WDFY1: variants seen among roughly 807,000 people sequenced by gnomAD.
WDFY1 encodes the protein WD repeat and FYVE domain containing 1.
Under a neutral mutation model 56.4 loss-of-function variants are expected in WDFY1, and 32 were observed. That is an observed-to-expected ratio of 0.57 (90% CI 0.43 to 0.76). WDFY1 has a LOEUF of 0.76. Ranked by LOEUF, WDFY1 falls within the 30% of genes least tolerant of loss-of-function variation. The pLI, the probability that WDFY1 is intolerant of heterozygous loss-of-function variation, is 0.00. For synonymous variants in WDFY1, 192 were observed against 197.3 expected (o/e 0.97, Z 0.23); for missense variants, 480 against 545.7 (o/e 0.88, Z 1.20).
In WDFY1 at chr2:223,917,981, C is replaced by A; in HGVS notation, c.167G>T (p.Ser56Ile). 1 of 1,614,136 alleles carries A rather than the reference C, an allele frequency of 6.2e-7. No individual in the cohort carries two copies. Among genetic ancestry groups the A allele is most frequent in the Non-Finnish European group, 8.5e-7 (1 of 1,180,024 alleles). ...RTIRVWLKRD[S>I]GQYWPSIYHT... ...GTAAATGCTGGGCCAGTATTGACCA[C>A]TGTCTCTTTTCAGCCATACCCGGAT... is the stretch of plus-strand genomic sequence containing the variant. Residue 56 changes from serine to isoleucine, a missense_variant, in exon 2 of 12, where the codon AGT becomes ATT. Ser to Ile is a moderately radical substitution (Grantham distance 142). Transcript: ENST00000233055.
At chr2:223,883,754 T>G (rs1434875172) in intron 9 of WDFY1, among the ~76,000 whole-genome samples, 1 of 152,216 alleles carries the variant, frequency 6.6e-6, no homozygotes, top group Non-Finnish European at 1.5e-5. Context: ...CAAGTGATTC[T>G]CCTGCCTCAG....
At chr2:223,902,903 T>C (rs1281926127) in intron 4 of WDFY1, among the ~76,000 whole-genome samples, 13 of 152,092 alleles carry the variant, frequency 8.5e-5, no homozygotes, top group Admixed American at 7.9e-4. Flanking sequence ...CAAACAGTCA[T>C]AGGGTTTAAA....
chr2:223,925,402 A>T (rs1439966779), intron 1 of WDFY1, among the ~76,000 whole-genome samples: 1 of 152,196 alleles, frequency 6.6e-6, no homozygotes, highest in African/African-American at 2.4e-5. Context: ...ATCAATGTAC[A>T]TACCTTAGTT....
Position 223,916,825 on chromosome 2 carries a change from T to C in WDFY1, c.205+1118A>G, listed in dbSNP as rs371908587. Among the ~76,000 whole-genome samples, 5 of 152,038 alleles carry C rather than the reference T, an allele frequency of 3.3e-5. No homozygotes were observed. In the South Asian group the frequency reaches 1.0e-3, roughly 32 times the overall value. On this transcript the variant is annotated intron_variant, in intron 2 of 11. Transcript: ENST00000233055. ...TATATCCCAGGGCTGCTTTTTTTTT[T>C]TTTTTTGATACGGAGTTTCGCTCTT...
intron 8 of WDFY1, among the ~76,000 whole-genome samples, chr2:223,891,492 A>C (rs989734356): frequency 6.6e-6 from 1 of 152,074 alleles, no homozygotes; most frequent in East Asian, 1.9e-4. Context: ...AACAAACAAA[A>C]AAACCCACTA....
rs998311568 is a variant in WDFY1, at chr2:223,894,235, T to G, written c.830A>C (p.Glu277Ala). 6.2e-7 allele frequency: 1 copy of G among 1,614,134 alleles called. No individual in the cohort carries two copies. The highest frequency in any genetic ancestry group is 8.5e-7 in the Non-Finnish European group (1 of 1,179,968). ...CCTGGACTTGCCCTTGTCTCTTACC[T>G]CTTCTCTGCTAACATCCATGTTCCA... ...AVWNMDVSRE[E>A]APQWLESDSC... The change falls in exon 8 of 12, where the codon GAG becomes GCG. Residue 277 changes from glutamate (E) to alanine (A), a missense_variant and splice_region_variant. Coordinates refer to ENST00000233055, the MANE Select transcript of WDFY1 (RefSeq NM_020830.5).
chr2:223,944,818 G>A (rs745423644), intron 1 of WDFY1, among the ~76,000 whole-genome samples: 1 of 150,638 alleles, frequency 6.6e-6, no homozygotes, highest in Admixed American at 6.6e-5. Context: ...CAGGGGTCCT[G>A]GGCTGGAAAG....
intron 3 of WDFY1, among the ~76,000 whole-genome samples, chr2:223,910,941 T>C (rs1290804779): frequency 6.6e-6 from 1 of 152,184 alleles, no homozygotes; most frequent in Non-Finnish European, 1.5e-5. Flanking sequence ...GAAAAAAATA[T>C]GTCCATGCAA....
At chr2:223,935,017 T>C (rs1234058511) in intron 1 of WDFY1, among the ~76,000 whole-genome samples, 1 of 152,066 alleles carries the variant, frequency 6.6e-6, no homozygotes, top group Non-Finnish European at 1.5e-5. Flanking sequence ...CAAATGAAAC[T>C]GAGAAGAGGG....
intron 8 of WDFY1, 99 bp downstream of exon 8, chr2:223,894,135 C>T (rs1693322207): frequency 6.7e-6 from 8 of 1,188,846 alleles, no homozygotes; most frequent in Non-Finnish European, 9.8e-6. Context: ...ACTGTCTGCA[C>T]CTGGACCAGC....
chr2:223,902,598 A>G (rs1693523557), intron 4 of WDFY1, among the ~76,000 whole-genome samples: 1 of 152,086 alleles, frequency 6.6e-6, no homozygotes, highest in African/African-American at 2.4e-5. Flanking sequence ...ACTGAAAATA[A>G]TGTTAAATTT....
Position 223,945,317 on chromosome 2 carries a change from A to T in WDFY1, c.-33T>A. 3.9e-6 allele frequency: 6 copies of T among 1,548,236 alleles called. No homozygotes were observed. Among genetic ancestry groups the T allele is most frequent in the Non-Finnish European group, 5.2e-6 (6 of 1,156,214 alleles). On this transcript the variant is annotated 5_prime_UTR_variant, in exon 1 of 12. Coordinates refer to ENST00000233055, the MANE Select transcript of WDFY1 (RefSeq NM_020830.5). ...CGGCGACTGCTGCGGCCTCCTCGGC[A>T]GGCAGCCCATCAGCTGACGCCTGGG...
At chr2:223,905,827 G>C (rs1425038228) in intron 4 of WDFY1, 120 bp downstream of exon 4, 2 of 648,668 alleles carry the variant, frequency 3.1e-6, no homozygotes, top group Non-Finnish European at 4.7e-6. Flanking sequence ...CTCTTGCATA[G>C]TGGGGGTAAC....
In WDFY1 at chr2:223,945,285, G is replaced by A; in HGVS notation, c.-1C>T. 5 of 1,569,184 alleles carry A rather than the reference G, an allele frequency of 3.2e-6. No individual in the cohort carries two copies. The highest frequency in any genetic ancestry group is 4.3e-6 in the Non-Finnish European group (5 of 1,164,466). On this transcript the variant is annotated 5_prime_UTR_variant, in exon 1 of 12. Coordinates refer to ENST00000233055, the MANE Select transcript of WDFY1 (RefSeq NM_020830.5). Reference sequence around the variant, plus strand: ...GCCTGGAGTGGATTTCGGCCGCCATGTTCGCGCGGCGACTGCTGCGGCCTC... The same window carrying A: ...GCCTGGAGTGGATTTCGGCCGCCATATTCGCGCGGCGACTGCTGCGGCCTC...
At chr2:223,920,098 G>A (rs1345551622) in intron 1 of WDFY1, among the ~76,000 whole-genome samples, 2 of 152,244 alleles carry the variant, frequency 1.3e-5, no homozygotes, top group African/African-American at 4.8e-5. Context: ...TGCGGCTGGT[G>A]GCTATAAGCA....
At chr2:223,895,988 A>C (rs1216729285) in intron 6 of WDFY1, among the ~76,000 whole-genome samples, 9 of 151,552 alleles carry the variant, frequency 5.9e-5, no homozygotes, top group Non-Finnish European at 8.8e-5. Flanking sequence ...GTGAAACCCT[A>C]TCTCTCCAAA....
At chr2:223,880,369 G>A (rs943464185) in intron 10 of WDFY1, 137 bp from the exon 11 acceptor site, 1 of 668,364 alleles carries the variant, frequency 1.5e-6, no homozygotes, top group Non-Finnish European at 2.6e-6. Flanking sequence ...CACTTTGGGA[G>A]GCCGAGACGG....
intron 10 of WDFY1, 117 bp from the exon 11 acceptor site, chr2:223,880,349 G>T: frequency 1.2e-6 from 1 of 835,090 alleles, no homozygotes; most frequent in Non-Finnish European, 1.9e-6. Context: ...GCTCATGTCT[G>T]TACCCCCAGC....
At chr2:223,943,331 G>A (rs912450811) in intron 1 of WDFY1, among the ~76,000 whole-genome samples, 3 of 152,008 alleles carry the variant, frequency 2.0e-5, no homozygotes, top group Non-Finnish European at 4.4e-5. Context: ...CTCCTTGTTG[G>A]AAGTCAGCTA....
Sources: allele counts gnomAD v4.1 joint callset (sites outside exome capture counted in the v4.1 genomes callset), GRCh38; gene constraint gnomAD v4.1.1; transcripts MANE v1.5; gene names NCBI Gene and HGNC (gene_info 2026-07-23, HGNC 2026-07-21).